WDR70: variants seen among roughly 807,000 people sequenced by gnomAD.
The protein encoded by WDR70 is WD repeat domain 70, also known as WD repeat-containing protein 70.
A neutral mutation model predicts 88.6 loss-of-function variants in WDR70; 53 were observed. That is an observed-to-expected ratio of 0.60 (90% CI 0.48 to 0.75). WDR70 has a LOEUF of 0.75. Among genes scored for constraint, WDR70 ranks in the 30% least tolerant of loss-of-function variants. The pLI is 0.00. For missense variants in WDR70, 610 were observed against 823.2 expected (o/e 0.74, Z 3.17); for synonymous variants, 280 against 270.0 (o/e 1.04, Z -0.36).
intron 12 of WDR70, among the ~76,000 whole-genome samples, chr5:37,701,914 C>T (rs1469698849): frequency 6.6e-6 from 1 of 152,114 alleles, no homozygotes; most frequent in African/African-American, 2.4e-5. Flanking sequence ...GCATCCTTCA[C>T]TTGTTCAGAC....
In WDR70 at chr5:37,472,659, G is replaced by A. The variant is rs530442413; in HGVS notation, c.687-7175G>A. ...TAACAGACACCCGCCTCCATGCCCT[G>A]TTAATTTTTTTGTACTTTTAGTAGA... On this transcript the variant is annotated intron_variant, in intron 7 of 17. Coordinates refer to ENST00000265107, the MANE Select transcript of WDR70 (RefSeq NM_018034.4). Among the ~76,000 whole-genome samples, 16 of 151,932 alleles carry A rather than the reference G, an allele frequency of 1.1e-4. No individual in the cohort carries two copies. In the South Asian group the frequency reaches 3.3e-3, roughly 32 times the overall value.
At chr5:37,506,197 G>T in intron 8 of WDR70, 1 of 992,142 alleles carries the variant, frequency 1.0e-6, no homozygotes, top group Non-Finnish European at 1.6e-6. Flanking sequence ...TTCAAACTCT[G>T]GTATCACAGT....
intron 9 of WDR70, among the ~76,000 whole-genome samples, chr5:37,565,248 C>A (rs1742702708): frequency 1.3e-5 from 2 of 152,008 alleles, no homozygotes; most frequent in Admixed American, 1.3e-4. Flanking sequence ...TACAGTTAAT[C>A]AAAAATTTAT....
rs150729271 is a variant in WDR70 at position 37,405,078 on chromosome 5, A to C, written c.492+8508A>C. On this transcript the variant is annotated intron_variant, in intron 5 of 17. Transcript: ENST00000265107. ...TCCAAGTCTGAAAATGTTTGAAAAT[A>C]CCAGCGTATGTAAAATATTAGAATA... 3.3e-5 allele frequency among the ~76,000 whole-genome samples: 5 copies of C among 152,274 alleles called. No homozygotes were observed. The East Asian group carries it at 9.6e-4, about 29-fold the overall frequency.
Position 37,740,457 on chromosome 5 carries a change from T to G in WDR70, c.1878-12029T>G, listed in dbSNP as rs549560075. 7.2e-5 allele frequency among the ~76,000 whole-genome samples: 11 copies of G among 152,340 alleles called. No homozygotes were observed. The East Asian group carries it at 2.1e-3, about 29-fold the overall frequency. The stretch of plus-strand genomic sequence containing the variant: ...CCTTAGGCTTGGTAGAGATGTTCAG[T>G]GTGCTAAAGTTGAATACTCTTTTTT... On this transcript the variant is annotated intron_variant, in intron 17 of 17. Coordinates refer to ENST00000265107, the MANE Select transcript of WDR70 (RefSeq NM_018034.4).
chr5:37,432,870 C>T (rs867704768), intron 5 of WDR70, among the ~76,000 whole-genome samples: 2 of 151,984 alleles, frequency 1.3e-5, no homozygotes, highest in African/African-American at 4.8e-5. Flanking sequence ...GCCTTTTGCT[C>T]ATTTTAAAAT....
intron 9 of WDR70, among the ~76,000 whole-genome samples, chr5:37,586,296 CT>C (rs1255561771): frequency 6.6e-6 from 1 of 152,202 alleles, no homozygotes; most frequent in African/African-American, 2.4e-5. Context: ...TATCATTCTA[CT>C]GACATTGCTC....
rs1449961672 is a variant in WDR70, at chr5:37,550,925, A to G, written c.917+34335A>G. Among the ~76,000 whole-genome samples, 3 of 152,168 alleles carry G rather than the reference A, an allele frequency of 2.0e-5. No homozygotes were observed. The East Asian group carries it at 5.8e-4, about 29-fold the overall frequency. On this transcript the variant is annotated intron_variant, in intron 9 of 17. Transcript: ENST00000265107. ...GGTTTGAGGTTACTATGAGGCTTGC[A>G]GATACTATCTTGTAACCCATTATTT...
chr5:37,461,202 A>C (rs1222039917), intron 7 of WDR70, among the ~76,000 whole-genome samples: 1 of 151,984 alleles, frequency 6.6e-6, no homozygotes, highest in Non-Finnish European at 1.5e-5. Flanking sequence ...GGAAAGCTTC[A>C]AATATTTATC....
intron 10 of WDR70, among the ~76,000 whole-genome samples, chr5:37,668,208 A>G (rs1339699583): frequency 2.6e-5 from 4 of 152,226 alleles, no homozygotes; most frequent in Admixed American, 6.5e-5. Context: ...ACAGAATATC[A>G]TATGAAATTC....
rs757605669 is a variant in WDR70, at chr5:37,722,936, T to C, written c.1597+2T>C. On this transcript the variant is annotated splice_donor_variant, in intron 15 of 17. Coordinates refer to ENST00000265107, the MANE Select transcript of WDR70 (RefSeq NM_018034.4). LOFTEE classifies it high-confidence loss of function. ...TAACTCAGGACTACATCATCACCCG[T>C]AAGTCGTTAACATGCCTCTCAATCA... is the stretch of plus-strand genomic sequence containing the variant. The C allele has an allele frequency of 6.2e-7, 1 of 1,613,480 alleles. No individual in the cohort carries two copies. The highest frequency in any genetic ancestry group is 1.1e-5 in the South Asian group (1 of 91,068).
chr5:37,623,268 G>A (rs1429101910), intron 10 of WDR70, among the ~76,000 whole-genome samples: 1 of 152,010 alleles, frequency 6.6e-6, no homozygotes, highest in Non-Finnish European at 1.5e-5. Context: ...ACTATTAAAG[G>A]GGTTGTATAT....
chr5:37,395,472 T>C (rs1748982122), intron 4 of WDR70, among the ~76,000 whole-genome samples: 1 of 152,118 alleles, frequency 6.6e-6, no homozygotes, highest in South Asian at 2.1e-4. Context: ...TAAGAACCCA[T>C]GACTGTATTC....
chr5:37,650,203 C>A (rs1294736962), intron 10 of WDR70, among the ~76,000 whole-genome samples: 1 of 150,626 alleles, frequency 6.6e-6, no homozygotes, highest in Non-Finnish European at 1.5e-5. Context: ...TGAGACCATC[C>A]TGGCTAACAC....
intron 7 of WDR70, among the ~76,000 whole-genome samples, chr5:37,451,249 G>A (rs563413682): frequency 7.2e-5 from 11 of 152,034 alleles, no homozygotes; most frequent in Admixed American, 2.6e-4. Flanking sequence ...TTGGATCTTT[G>A]GTTAAGAAAG....
At chr5:37,642,034 G>T (rs534036625) in intron 10 of WDR70, among the ~76,000 whole-genome samples, 1 of 152,278 alleles carries the variant, frequency 6.6e-6, no homozygotes, top group East Asian at 1.9e-4. Flanking sequence ...ATTTTGAAAG[G>T]ATGATTGCTA....
At chr5:37,403,290 C>T (rs777947234) in intron 5 of WDR70, among the ~76,000 whole-genome samples, 1 of 152,146 alleles carries the variant, frequency 6.6e-6, no homozygotes. Flanking sequence ...CATATTTAAA[C>T]TCCAACCATA....
intron 10 of WDR70, among the ~76,000 whole-genome samples, chr5:37,637,198 C>G (rs1561932290): frequency 6.6e-6 from 1 of 151,854 alleles, no homozygotes; most frequent in Non-Finnish European, 1.5e-5. Flanking sequence ...AAAAATTAGC[C>G]AGGCATGATG....
chr5:37,649,186 A>G (rs1745322488), intron 10 of WDR70, among the ~76,000 whole-genome samples: 1 of 152,138 alleles, frequency 6.6e-6, no homozygotes, highest in African/African-American at 2.4e-5. Flanking sequence ...CTCAAAGTAA[A>G]GGATAGCTTA....
Sources: allele counts gnomAD v4.1 joint callset (sites outside exome capture counted in the v4.1 genomes callset), GRCh38; gene constraint gnomAD v4.1.1; transcripts MANE v1.5; gene names NCBI Gene and HGNC (gene_info 2026-07-23, HGNC 2026-07-21).